The following CSMD1 variants were observed in gnomAD, a reference collection of about 807,000 sequenced individuals.
CSMD1 encodes the protein CUB and Sushi multiple domains 1, also known as CUB and sushi domain-containing protein 1.
A neutral mutation model predicts 417.5 loss-of-function variants in CSMD1; 213 were observed. That is an observed-to-expected ratio of 0.51 (90% CI 0.46 to 0.57). The LOEUF (loss-of-function observed/expected upper bound fraction) is 0.57, where lower values mean the gene tolerates loss of function less well. Among genes scored for constraint, CSMD1 ranks in the 20% least tolerant of loss-of-function variants. The probability of loss-of-function intolerance (pLI) is 0.00; values close to 1 mark genes in which losing one functional copy is unlikely to be tolerated. For missense variants in CSMD1, 6,923 were observed against 4,529.7 expected, an observed-to-expected ratio of 1.53 and a Z score of -15.17; for synonymous variants, 2,862 against 1,736.8, an observed-to-expected ratio of 1.65 and a Z score of -16.11.
At chr8:4,108,868 G>T (rs1463354357) in intron 3 of CSMD1, among the ~76,000 whole-genome samples, 4 of 152,154 alleles carry the variant, frequency 2.6e-5, no homozygotes, top group African/African-American at 7.2e-5. Context: ...CTATCTGCAA[G>T]AATTTGTCAC....
intron 50 of CSMD1, among the ~76,000 whole-genome samples, chr8:3,034,169 A>G (rs966772570): frequency 2.0e-5 from 3 of 152,252 alleles, no homozygotes; most frequent in Non-Finnish European, 4.4e-5. Flanking sequence ...TTCATGTGTC[A>G]AAAGTTTTCT....
intron 6 of CSMD1, among the ~76,000 whole-genome samples, chr8:3,719,894 T>C (rs1356052912): frequency 2.0e-5 from 3 of 152,162 alleles, no homozygotes; most frequent in Non-Finnish European, 4.4e-5. Flanking sequence ...TCATTAGAGA[T>C]GTCACCTTGC....
rs565408526 is a variant in CSMD1, at chr8:4,753,578, C to T, written c.86-116020G>A. On this transcript the variant is annotated intron_variant, in intron 1 of 69. Transcript: ENST00000635120. ...ATTGCACCTGCCTTCCATCACTTCTCATTGGCACCCATGAACCTGACATCC... is the reference window on the plus strand; with the variant it reads ...ATTGCACCTGCCTTCCATCACTTCTTATTGGCACCCATGAACCTGACATCC... Among the ~76,000 whole-genome samples, 647 of 152,284 alleles carry T rather than the reference C, an allele frequency of 4.2e-3. 3 individuals are homozygous for T. Among genetic ancestry groups the T allele is most frequent in the African/African-American group, 0.015 (631 of 41,558 alleles).
chr8:3,893,336 ATT>A lies in CSMD1; in HGVS notation c.818+104565_818+104566del, dbSNP rs1348033479. Among the ~76,000 whole-genome samples the A allele has an allele frequency of 3.8e-4, 6 of 15,736 alleles. No individual in the cohort carries two copies. In the South Asian group the frequency reaches 0.019, roughly 50 times the overall value. 10.3% of individuals were successfully genotyped at this position (15,736 alleles called of 152,430 possible). A position where few individuals can be genotyped will look rare whatever the true frequency, so the allele number is the denominator to read the frequency against. On this transcript the variant is annotated intron_variant, in intron 5 of 69. Coordinates refer to ENST00000635120, the MANE Select transcript of CSMD1 (RefSeq NM_033225.6). ...ATGTCCCAAACTAATAATATTCACA[ATT>A]TTATATATATATATATATATATATT...
intron 10 of CSMD1, among the ~76,000 whole-genome samples, chr8:3,500,980 G>A (rs760176676): frequency 9.2e-5 from 14 of 152,214 alleles, no homozygotes; most frequent in Admixed American, 5.9e-4. Context: ...AAATGATTTT[G>A]CAGGAAAGAA....
intron 3 of CSMD1, among the ~76,000 whole-genome samples, chr8:4,337,453 G>A (rs1800235520): frequency 6.6e-6 from 1 of 152,024 alleles, no homozygotes; most frequent in Non-Finnish European, 1.5e-5. Context: ...AAATGTCTTT[G>A]CAAACCACAC....
chr8:3,078,215 A>G (rs557182978), intron 49 of CSMD1, among the ~76,000 whole-genome samples: 18 of 152,322 alleles, frequency 1.2e-4, no homozygotes, highest in African/African-American at 4.3e-4. Context: ...AGAAAGGTCA[A>G]GGTCTTCATA....
intron 7 of CSMD1, among the ~76,000 whole-genome samples, chr8:3,677,450 G>T (rs1394437807): frequency 1.3e-5 from 2 of 152,194 alleles, no homozygotes; most frequent in Non-Finnish European, 2.9e-5. Flanking sequence ...AGGTTGTCAG[G>T]AAAGTCCTGG....
chr8:3,054,669 ATG>A (rs1489940089), intron 49 of CSMD1, among the ~76,000 whole-genome samples: 4 of 152,046 alleles, frequency 2.6e-5, no homozygotes, highest in Admixed American at 1.3e-4. Context: ...GCATATTTAC[ATG>A]TGTGTACATG....
chr8:2,942,741 T>C (rs1801969565), intron 68 of CSMD1, 137 bp from the exon 69 acceptor site: 2 of 637,916 alleles, frequency 3.1e-6, no homozygotes, highest in Non-Finnish European at 5.0e-6. Context: ...CAAATGATAT[T>C]CTTTTCTAAA....
chr8:4,869,985 A>G (rs540344112), intron 1 of CSMD1, among the ~76,000 whole-genome samples: 1 of 152,252 alleles, frequency 6.6e-6, no homozygotes, highest in South Asian at 2.1e-4. Context: ...TTAAGAATTG[A>G]AAATAATGCA....
chr8:4,071,980 T>G (rs1799582653), intron 3 of CSMD1, among the ~76,000 whole-genome samples: 1 of 152,182 alleles, frequency 6.6e-6, no homozygotes, highest in East Asian at 1.9e-4. Flanking sequence ...CTCTCCTTTC[T>G]GGGATTCCTC....
intron 3 of CSMD1, among the ~76,000 whole-genome samples, chr8:4,213,084 A>G (rs1800419372): frequency 6.6e-6 from 1 of 152,166 alleles, no homozygotes; most frequent in Non-Finnish European, 1.5e-5. Flanking sequence ...CTAAGATGGA[A>G]GAATATAGAT....
At chr8:4,319,557 C>T (rs533372201) in intron 3 of CSMD1, among the ~76,000 whole-genome samples, 1 of 152,048 alleles carries the variant, frequency 6.6e-6, no homozygotes, top group Non-Finnish European at 1.5e-5. Flanking sequence ...ATAAAGGAAA[C>T]ATTAATTGTT....
At chr8:4,277,168 C>T (rs114483553) in intron 3 of CSMD1, among the ~76,000 whole-genome samples, 95 of 150,130 alleles carry the variant, frequency 6.3e-4, no homozygotes, top group African/African-American at 2.1e-3. Context: ...CAACACTATA[C>T]ATACATATTT....
intron 1 of CSMD1, among the ~76,000 whole-genome samples, chr8:4,981,858 AGC>A (rs1810907095): frequency 6.6e-6 from 1 of 152,138 alleles, no homozygotes; most frequent in Non-Finnish European, 1.5e-5. Context: ...ATGGAATTGT[AGC>A]ACTCAACTGT....
At chr8:4,843,472 T>A (rs1183902647) in intron 1 of CSMD1, among the ~76,000 whole-genome samples, 1 of 151,804 alleles carries the variant, frequency 6.6e-6, no homozygotes, top group Admixed American at 6.6e-5. Flanking sequence ...AGAGAGAAAT[T>A]GTGTGTATAA....
intron 6 of CSMD1, among the ~76,000 whole-genome samples, chr8:3,747,213 C>G (rs1797104823): frequency 6.6e-6 from 1 of 152,190 alleles, no homozygotes. Context: ...AGCCCTTAAT[C>G]TCTCCATTTC....
At position 3,264,180 on chromosome 8, in the gene CSMD1, A is replaced by C. The variant is rs188958004; in HGVS notation, c.4153+19964T>G. ...ACAATAAAAATCTGTATATTGACAC[A>C]AGGCAGACTTGAGGTGAGGAAGTAA... On this transcript the variant is annotated intron_variant, in intron 26 of 69. Transcript: ENST00000635120. Among the ~76,000 whole-genome samples, 11 of 152,308 alleles carry C rather than the reference A, an allele frequency of 7.2e-5. No individual in the cohort carries two copies. The East Asian group carries it at 2.1e-3, about 29-fold the overall frequency.
Sources: gnomAD v4.1 joint callset for allele counts (sites outside exome capture counted in the v4.1 genomes callset) on GRCh38, gnomAD v4.1.1 for gene constraint, MANE v1.5 for transcripts, NCBI Gene and HGNC (gene_info 2026-07-23, HGNC 2026-07-21) for gene names.